The following RAD51B variants were observed in gnomAD, a reference collection of about 807,000 sequenced individuals.
RAD51B encodes DNA repair protein RAD51 homolog 2.
Under a neutral mutation model 42.2 loss-of-function variants are expected in RAD51B, and 38 were observed. That is an observed-to-expected ratio of 0.90 (90% CI 0.70 to 1.18). The LOEUF is 1.18. RAD51B is among the 50% of genes most tolerant of loss of function. The pLI is 0.00. For missense variants in RAD51B, 373 were observed against 400.7 expected, an observed-to-expected ratio of 0.93 and a Z score of 0.59; for synonymous variants, 154 against 145.2, an observed-to-expected ratio of 1.06 and a Z score of -0.43.
chr14:68,509,564 T>C (rs1885578635), intron 10 of RAD51B, among the ~76,000 whole-genome samples: 2 of 152,242 alleles, frequency 1.3e-5, no homozygotes, highest in South Asian at 4.1e-4. Context: ...TGAAGAATGA[T>C]GTTTGGAAGG....
chr14:68,302,637 A>G (rs10135678), intron 8 of RAD51B, among the ~76,000 whole-genome samples: 104,804 of 152,074 alleles, frequency 0.69, 36,359 homozygotes, highest in Admixed American at 0.75. Context: ...TGAGAGCCCC[A>G]AACAGAGATT....
At chr14:67,962,259 G>A (rs897337412) in intron 7 of RAD51B, among the ~76,000 whole-genome samples, 6 of 152,084 alleles carry the variant, frequency 3.9e-5, no homozygotes, top group Non-Finnish European at 7.4e-5. Context: ...TGAGGAAGTG[G>A]ACCCAACAAA....
At chr14:68,414,298 A>G (rs1468422921) in intron 9 of RAD51B, among the ~76,000 whole-genome samples, 1 of 152,218 alleles carries the variant, frequency 6.6e-6, no homozygotes, top group Non-Finnish European at 1.5e-5. Flanking sequence ...CTCTCTTAAG[A>G]AGCTGGAAAA....
At chr14:68,309,447 T>A (rs745520142) in intron 8 of RAD51B, among the ~76,000 whole-genome samples, 1 of 152,152 alleles carries the variant, frequency 6.6e-6, no homozygotes, top group Non-Finnish European at 1.5e-5. Context: ...AGAATGTTTA[T>A]TTTCAGGTAG....
intron 7 of RAD51B, among the ~76,000 whole-genome samples, chr14:68,034,076 CA>C (rs2076085888): frequency 6.6e-6 from 1 of 151,682 alleles, no homozygotes; most frequent in Admixed American, 6.6e-5. Context: ...TATATTTTAC[CA>C]GTTGTTAATG....
chr14:68,083,622 C>T (rs1376411494), intron 7 of RAD51B, among the ~76,000 whole-genome samples: 1 of 152,026 alleles, frequency 6.6e-6, no homozygotes, highest in Non-Finnish European at 1.5e-5. Flanking sequence ...GCCATTAGAA[C>T]TGATATATAT....
At chr14:68,023,165 A>G (rs900519052) in intron 7 of RAD51B, among the ~76,000 whole-genome samples, 2 of 152,160 alleles carry the variant, frequency 1.3e-5, no homozygotes, top group African/African-American at 4.8e-5. Context: ...TCTTTTGGGT[A>G]TATACCCAGT....
intron 7 of RAD51B, among the ~76,000 whole-genome samples, chr14:68,096,501 C>T (rs563001292): frequency 2.3e-4 from 35 of 152,248 alleles, no homozygotes; most frequent in Middle Eastern, 3.4e-3. Flanking sequence ...TACTCCTTTT[C>T]GATATTAAAT....
At chr14:68,111,616 C>T (rs566288538) in intron 7 of RAD51B, among the ~76,000 whole-genome samples, 42 of 152,158 alleles carry the variant, frequency 2.8e-4, no homozygotes, top group African/African-American at 9.4e-4. Flanking sequence ...TACCATCCTA[C>T]GTACTTTGGT....
Position 68,109,294 on chromosome 14 carries a change from T to G in RAD51B, c.757-182590T>G, listed in dbSNP as rs2077424712. ...AATGGTTTGTTAAAATGCAGGCAAG[T>G]TGAATATGACTTTTATAATGTGGCT... On this transcript the variant is annotated intron_variant, in intron 7 of 10. Transcript: ENST00000471583. 2.0e-5 allele frequency among the ~76,000 whole-genome samples: 3 copies of G among 152,004 alleles called. 1 individual carries two copies. In the South Asian group the frequency reaches 6.2e-4, roughly 32 times the overall value.
chr14:68,361,191 A>G (rs1215506366), intron 8 of RAD51B, among the ~76,000 whole-genome samples: 3 of 152,190 alleles, frequency 2.0e-5, no homozygotes, highest in African/African-American at 4.8e-5. Flanking sequence ...AGGCTACCCA[A>G]TATCCTTTAG....
intron 7 of RAD51B, among the ~76,000 whole-genome samples, chr14:67,958,685 A>T (rs1177308320): frequency 2.6e-5 from 4 of 152,194 alleles, no homozygotes; most frequent in Admixed American, 6.5e-5. Context: ...ATGAGGTGAA[A>T]CTGTAGCCAA....
chr14:68,399,551 C>T (rs2084033135), intron 8 of RAD51B, among the ~76,000 whole-genome samples: 1 of 152,142 alleles, frequency 6.6e-6, no homozygotes, highest in African/African-American at 2.4e-5. Flanking sequence ...GCCACCAAGC[C>T]CAGCTCTTTA....
At chr14:68,373,671 A>C (rs1372009947) in intron 8 of RAD51B, among the ~76,000 whole-genome samples, 1 of 152,192 alleles carries the variant, frequency 6.6e-6, no homozygotes, top group Non-Finnish European at 1.5e-5. Flanking sequence ...TAATTCATGC[A>C]GGGCTTAAAA....
intron 8 of RAD51B, among the ~76,000 whole-genome samples, chr14:68,370,169 C>G (rs544864753): frequency 6.6e-6 from 1 of 152,286 alleles, no homozygotes; most frequent in South Asian, 2.1e-4. Context: ...AATTTTGCAA[C>G]CTCTGGCATA....
chr14:68,592,510 C>G (rs1312490107), intron 10 of RAD51B, among the ~76,000 whole-genome samples: 2 of 152,164 alleles, frequency 1.3e-5, no homozygotes, highest in East Asian at 1.9e-4. Flanking sequence ...TGCAACTTTT[C>G]AAATGAGAAA....
At position 68,561,815 on chromosome 14, in the gene RAD51B, C is replaced by A. The variant is rs2842327; in HGVS notation, c.1037-32670C>A. Among the ~76,000 whole-genome samples, 561 of 152,172 alleles carry A rather than the reference C, an allele frequency of 3.7e-3. 4 individuals are homozygous for A. Among genetic ancestry groups the A allele is most frequent in the African/African-American group, 0.013 (534 of 41,504 alleles). ...ACTGCAGCTTGGTGAATGAACATAC[C>A]GGCTTTAGAGTCACACTGGTGGCCC... On this transcript the variant is annotated intron_variant, in intron 10 of 10. Transcript: ENST00000487270.
chr14:67,871,811 A>G (rs1488992992), intron 5 of RAD51B, among the ~76,000 whole-genome samples: 1 of 152,232 alleles, frequency 6.6e-6, no homozygotes, highest in Non-Finnish European at 1.5e-5. Context: ...GTAATCCAGC[A>G]TATAAACAGA....
At position 68,342,754 on chromosome 14, in the gene RAD51B, G is replaced by A. The variant is rs187407848; in HGVS notation, c.853+50774G>A. Among the ~76,000 whole-genome samples, 14 of 152,296 alleles carry A rather than the reference G, an allele frequency of 9.2e-5. No homozygotes were observed. The East Asian group carries it at 2.5e-3, about 27-fold the overall frequency. ...TTGGGGAGCAGATCATTTGGTAACT[G>A]TTGGTACTTGTGGCCTCTACATCTT... On this transcript the variant is annotated intron_variant, in intron 8 of 10. Transcript: ENST00000471583.
Sources: allele counts gnomAD v4.1 joint callset (sites outside exome capture counted in the v4.1 genomes callset), GRCh38; gene constraint gnomAD v4.1.1; transcripts MANE v1.5; gene names NCBI Gene and HGNC (gene_info 2026-07-23, HGNC 2026-07-21).